Variants in KANSL1 observed in about 807,000 individuals in gnomAD.
KANSL1 encodes MLL1/MLL complex subunit KANSL1.
A neutral mutation model predicts 103.6 loss-of-function variants in KANSL1; 22 were observed. The observed-to-expected ratio is 0.21, with a 90% CI of 0.15 to 0.30. The LOEUF is 0.30. Ranked by LOEUF, KANSL1 falls within the 10% of genes least tolerant of loss-of-function variation. The probability of loss-of-function intolerance (pLI) is 1.00; values close to 1 mark genes in which losing one functional copy is unlikely to be tolerated. For missense variants in KANSL1, 1,337 were observed against 1,399.8 expected, an observed-to-expected ratio of 0.96 and a Z score of 0.72; for synonymous variants, 600 against 527.6, an observed-to-expected ratio of 1.14 and a Z score of -1.88.
intron 2 of KANSL1, among the ~76,000 whole-genome samples, chr17:46,118,050 C>T (rs1468450291): frequency 6.6e-6 from 1 of 152,156 alleles, no homozygotes; most frequent in Non-Finnish European, 1.5e-5. Flanking sequence ...ATCCCATGAC[C>T]ACTCCCCACT....
chr17:46,154,314 C>G (rs1364569269), intron 2 of KANSL1, among the ~76,000 whole-genome samples: 2 of 152,222 alleles, frequency 1.3e-5, no homozygotes, highest in South Asian at 2.1e-4. Flanking sequence ...GATATTCCCC[C>G]CTCAGGGTTG....
chr17:46,200,164 C>G (rs1031764581), intron 1 of KANSL1, among the ~76,000 whole-genome samples: 2 of 152,008 alleles, frequency 1.3e-5, no homozygotes, highest in African/African-American at 4.8e-5. Context: ...GTTCAATGAC[C>G]AAACATAGAA....
chr17:46,198,422 TAAA>T (rs58312564), upstream of KANSL1, among the ~76,000 whole-genome samples: 11,829 of 94,256 alleles, frequency 0.13, 236 homozygotes, highest in African/African-American at 0.19. Flanking sequence ...CTACTTTAAT[TAAA>T]AAAAAAAAAA....
chr17:46,052,794 T>TTAAA (rs1555739574), intron 6 of KANSL1, among the ~76,000 whole-genome samples: 19 of 118,298 alleles, frequency 1.6e-4, no homozygotes, highest in Non-Finnish European at 2.7e-4. Context: ...AATTTAAAAT[T>TTAAA]AAAAAAAAAA....
intron 10 of KANSL1, chr17:46,034,523 C>T (rs1446553771): frequency 2.3e-6 from 1 of 436,166 alleles, no homozygotes; most frequent in African/African-American, 2.0e-5. Context: ...CACTGGTCAC[C>T]CTCTTCCTTC....
chr17:46,136,500 G>C (rs1466654642), intron 2 of KANSL1, among the ~76,000 whole-genome samples: 1 of 152,214 alleles, frequency 6.6e-6, no homozygotes, highest in Admixed American at 6.5e-5. Flanking sequence ...TCCAGAAAAA[G>C]TAGAAATTTG....
At chr17:46,177,980 T>A (rs957887083) in intron 1 of KANSL1, among the ~76,000 whole-genome samples, 1 of 152,118 alleles carries the variant, frequency 6.6e-6, no homozygotes. Context: ...GGTTTCACCA[T>A]GTTAGCCAGG....
intron 1 of KANSL1, among the ~76,000 whole-genome samples, chr17:46,202,699 A>C (rs2047843289): frequency 6.6e-6 from 1 of 152,232 alleles, no homozygotes; most frequent in Non-Finnish European, 1.5e-5. Flanking sequence ...TTATCTCTGT[A>C]ACTCATTTAC....
intron 2 of KANSL1, among the ~76,000 whole-genome samples, chr17:46,115,946 C>T (rs1001753671): frequency 6.6e-6 from 1 of 152,194 alleles, no homozygotes. Context: ...GGATAAGGAG[C>T]ATTCAGAGTT....
Position 46,193,204 on chromosome 17 carries a change from G to C in KANSL1, c.-471C>G, listed in dbSNP as rs923089140. On this transcript the variant is annotated 5_prime_UTR_variant, in exon 1 of 15. Transcript: ENST00000432791. The stretch of plus-strand genomic sequence containing the variant: ...CCCGCACAAACAAGCACCGCCGTCT[G>C]CAGCCCGAACCCGCACCCAGGCCGC... The C allele has an allele frequency of 2.6e-5, 4 of 151,916 alleles. No homozygotes were observed. Among genetic ancestry groups the C allele is most frequent in the African/African-American group, 9.7e-5 (4 of 41,196 alleles). 9.4% of individuals were successfully genotyped at this position (151,916 alleles called of 1,614,324 possible).
At chr17:46,210,113 G>A (rs1380615914) in intron 1 of KANSL1, among the ~76,000 whole-genome samples, 2 of 152,164 alleles carry the variant, frequency 1.3e-5, no homozygotes, top group Admixed American at 1.3e-4. Flanking sequence ...ACCTTCTGAG[G>A]AAAAGACAAC....
chr17:46,154,146 CAAGA>C (rs1413695649), intron 2 of KANSL1, among the ~76,000 whole-genome samples: 1 of 152,188 alleles, frequency 6.6e-6, no homozygotes, highest in Non-Finnish European at 1.5e-5. Context: ...GGGAAAAAGA[CAAGA>C]AAGAACAAAG....
chr17:46,052,670 C>T (rs1225077287), intron 6 of KANSL1, among the ~76,000 whole-genome samples: 1 of 150,482 alleles, frequency 6.6e-6, no homozygotes, highest in African/African-American at 2.5e-5. Context: ...TGTGGCTAGG[C>T]GTGGTGGCTC....
chr17:46,171,226 C>G lies in KANSL1; in HGVS notation c.918G>C (p.Gln306His). ...TCTCAACCTGCTTGGCTTGCACAAC[C>G]TGTAAGCGCTTTTGTAATCTGCGGG... is the stretch of plus-strand genomic sequence containing the variant. ...SRARRLQKRLQVVQAKQVERH... is the reference protein window; with the variant it reads ...SRARRLQKRLHVVQAKQVERH... Residue 306 changes from glutamine to histidine, a missense_variant, in exon 2 of 15, where the codon CAG becomes CAC. Gln to His is a conservative substitution (Grantham distance 24). Transcript: ENST00000432791. 3 of 1,614,148 alleles carry G rather than the reference C, an allele frequency of 1.9e-6. No individual in the cohort carries two copies. The highest frequency in any genetic ancestry group is 2.5e-6 in the Non-Finnish European group (3 of 1,180,054).
At chr17:46,145,587 G>C (rs2044654857) in intron 2 of KANSL1, among the ~76,000 whole-genome samples, 1 of 152,210 alleles carries the variant, frequency 6.6e-6, no homozygotes, top group South Asian at 2.1e-4. Flanking sequence ...AATTTTATAA[G>C]ATCATGTTTG....
chr17:46,082,588 C>A, intron 3 of KANSL1, 46 bp from the exon 4 acceptor site: 2 of 1,132,084 alleles, frequency 1.8e-6, no homozygotes, highest in Non-Finnish European at 2.6e-6. Flanking sequence ...GCAGTATAAA[C>A]TTCAAATTTA....
At chr17:46,146,086 A>G (rs1350202184) in intron 2 of KANSL1, among the ~76,000 whole-genome samples, 6 of 152,328 alleles carry the variant, frequency 3.9e-5, no homozygotes, top group Admixed American at 6.5e-5. Context: ...TCTAGCAGCT[A>G]AAGACATCTC....
At chr17:46,165,663 A>AC (rs1365723750) in intron 2 of KANSL1, among the ~76,000 whole-genome samples, 2 of 151,052 alleles carry the variant, frequency 1.3e-5, no homozygotes, top group Non-Finnish European at 2.9e-5. Context: ...GGCGTGCACC[A>AC]CCACGCCTGG....
In KANSL1 at chr17:46,066,680, C is replaced by T. The variant is rs764910741; in HGVS notation, c.1705G>A (p.Glu569Lys). The T allele has an allele frequency of 2.5e-6, 4 of 1,614,018 alleles. No homozygotes were observed. Among genetic ancestry groups the T allele is most frequent in the Admixed American group, 1.7e-5 (1 of 60,004 alleles). Residue 569 changes from glutamate to lysine, a missense_variant, in exon 6 of 15, where the codon GAA becomes AAA. Around this residue, in one of 2 missense-constraint regions of KANSL1, gnomAD observed 780 missense variants for 923.4 expected, o/e 0.84. Coordinates refer to ENST00000432791, the MANE Select transcript of KANSL1 (RefSeq NM_015443.4). Reference sequence around the variant, plus strand: ...AGTCGTTGCTTCTTATGTAATTGTTCCTCAGCATCAGAGCTGTCACCTGGA... The same window carrying T: ...AGTCGTTGCTTCTTATGTAATTGTTTCTCAGCATCAGAGCTGTCACCTGGA... ...HIPGDSSDAEEQLHKKQRLNL... is the reference protein window; with the variant it reads ...HIPGDSSDAEKQLHKKQRLNL...
Sources: allele counts gnomAD v4.1 joint callset (sites outside exome capture counted in the v4.1 genomes callset), GRCh38; gene constraint gnomAD v4.1.1; regional missense constraint gnomAD v4.1.1; transcripts MANE v1.5; gene names NCBI Gene and HGNC (gene_info 2026-07-23, HGNC 2026-07-21).